The following PTPRD variants were observed in gnomAD, a reference collection of about 807,000 sequenced individuals.
PTPRD encodes protein tyrosine phosphatase receptor type D.
In PTPRD, 34 loss-of-function variants were observed where a neutral mutation model predicts 214.5. The ratio of observed to expected loss-of-function variants is 0.16; its 90% CI spans 0.12 to 0.21. The LOEUF (loss-of-function observed/expected upper bound fraction) is 0.21, where lower values mean the gene tolerates loss of function less well. Among genes scored for constraint, PTPRD ranks in the 10% least tolerant of loss-of-function variants. The pLI is 1.00. For synonymous variants in PTPRD, 1,128 were observed against 845.7 expected (o/e 1.33, Z -5.79); for missense variants, 2,545 against 2,398.7 (o/e 1.06, Z -1.27).
chr9:9,610,302 C>A (rs1333866447), intron 7 of PTPRD, among the ~76,000 whole-genome samples: 2 of 152,040 alleles, frequency 1.3e-5, no homozygotes, highest in Non-Finnish European at 2.9e-5. Flanking sequence ...AAAATATAAA[C>A]AAGATTTAGT....
intron 14 of PTPRD, among the ~76,000 whole-genome samples, chr9:8,536,252 T>C (rs1166211428): frequency 2.0e-5 from 3 of 151,904 alleles, no homozygotes; most frequent in Admixed American, 6.6e-5. Context: ...TTAATCACAG[T>C]CAACTCATGA....
intron 12 of PTPRD, among the ~76,000 whole-genome samples, chr9:8,708,561 C>G (rs1287166535): frequency 6.6e-6 from 1 of 151,730 alleles, no homozygotes; most frequent in Non-Finnish European, 1.5e-5. Flanking sequence ...CACCTGTAAT[C>G]CCAGCTACTC....
At chr9:8,330,657 C>G (rs184767499) in intron 44 of PTPRD, among the ~76,000 whole-genome samples, 4 of 152,036 alleles carry the variant, frequency 2.6e-5, no homozygotes, top group African/African-American at 9.6e-5. Flanking sequence ...TAAACCTCAG[C>G]TAAGATAACT....
At chr9:10,028,475 T>C (rs2096975122) in intron 4 of PTPRD, among the ~76,000 whole-genome samples, 1 of 152,020 alleles carries the variant, frequency 6.6e-6, no homozygotes, top group Admixed American at 6.6e-5. Flanking sequence ...TGTAGGAAAG[T>C]TTGGAACTCC....
chr9:10,088,118 G>A (rs968912999), intron 3 of PTPRD, among the ~76,000 whole-genome samples: 9 of 151,686 alleles, frequency 5.9e-5, no homozygotes, highest in Non-Finnish European at 1.2e-4. Context: ...CTAGTTTGTA[G>A]TAAGAAAAAA....
chr9:8,877,721 A>G (rs769199384), intron 11 of PTPRD, among the ~76,000 whole-genome samples: 8 of 152,222 alleles, frequency 5.3e-5, no homozygotes, highest in Non-Finnish European at 1.2e-4. Context: ...GATAACCTTC[A>G]GTGACATTTT....
At chr9:10,443,690 G>A (rs1047320520) in intron 2 of PTPRD, among the ~76,000 whole-genome samples, 9 of 151,298 alleles carry the variant, frequency 5.9e-5, no homozygotes, top group African/African-American at 2.2e-4. Flanking sequence ...TTTCCCATGA[G>A]GTCTGCTTGC....
At chr9:9,134,848 T>G (rs80200016) in intron 10 of PTPRD, among the ~76,000 whole-genome samples, 10 of 151,806 alleles carry the variant, frequency 6.6e-5, no homozygotes, top group African/African-American at 2.4e-4. Flanking sequence ...TCCCAGCCCT[T>G]AAAACACTGC....
intron 3 of PTPRD, among the ~76,000 whole-genome samples, chr9:10,153,652 T>C (rs1331298485): frequency 6.6e-6 from 1 of 152,074 alleles, no homozygotes; most frequent in Non-Finnish European, 1.5e-5. Flanking sequence ...CTATTAAGCC[T>C]AGTATTCATT....
chr9:8,437,278 A>C (rs946747746), intron 34 of PTPRD: 26 of 1,424,182 alleles, frequency 1.8e-5, no homozygotes, highest in Non-Finnish European at 2.2e-5. Context: ...ATAAAATAGA[A>C]CAAATTCTTC....
At chr9:10,045,024 T>G (rs1038620445) in intron 3 of PTPRD, among the ~76,000 whole-genome samples, 2 of 151,686 alleles carry the variant, frequency 1.3e-5, no homozygotes, top group African/African-American at 4.8e-5. Flanking sequence ...ATGGTATGCA[T>G]AGTCAATGCA....
At chr9:8,773,228 C>A (rs1393307103) in intron 11 of PTPRD, among the ~76,000 whole-genome samples, 1 of 152,136 alleles carries the variant, frequency 6.6e-6, no homozygotes, top group Admixed American at 6.5e-5. Flanking sequence ...TGAATATCAA[C>A]CAGAGAGGAA....
At chr9:8,521,632 C>A (rs2097892269) in intron 19 of PTPRD, 86 bp from the exon 20 acceptor site, 2 of 1,425,232 alleles carry the variant, frequency 1.4e-6, no homozygotes, top group Non-Finnish European at 9.5e-7. Flanking sequence ...CGTACAGACA[C>A]GATTCAACAA....
chr9:9,402,233 C>G lies in PTPRD; in HGVS notation c.-236-4751G>C, dbSNP rs145787697. ...ATATAGTACAGAAATGTCCAGTGGC[C>G]AAAACTGAAGAAAAAAGTGGAAATG... On this transcript the variant is annotated intron_variant, in intron 8 of 45. Coordinates refer to ENST00000381196, the MANE Select transcript of PTPRD (RefSeq NM_002839.4). 1.1e-4 allele frequency among the ~76,000 whole-genome samples: 16 copies of G among 151,910 alleles called. No homozygotes were observed. The East Asian group carries it at 3.1e-3, about 30-fold the overall frequency.
At chr9:8,583,379 T>A (rs528897146) in intron 14 of PTPRD, among the ~76,000 whole-genome samples, 1 of 152,320 alleles carries the variant, frequency 6.6e-6, no homozygotes, top group East Asian at 1.9e-4. Context: ...CATGTTAGCA[T>A]GTTGCCATGT....
At chr9:10,512,508 G>GT (rs2048641034) in intron 2 of PTPRD, among the ~76,000 whole-genome samples, 1 of 152,150 alleles carries the variant, frequency 6.6e-6, no homozygotes. Context: ...GCGGTGGTGG[G>GT]TTGGGGGGAA....
intron 3 of PTPRD, among the ~76,000 whole-genome samples, chr9:10,063,105 G>C (rs765956005): frequency 2.6e-5 from 4 of 152,014 alleles, no homozygotes; most frequent in Non-Finnish European, 4.4e-5. Flanking sequence ...TGCTTAATTA[G>C]CAGTAGGAAT....
At chr9:10,519,725 TTTATTA>T (rs890943081) in intron 2 of PTPRD, among the ~76,000 whole-genome samples, 1 of 151,916 alleles carries the variant, frequency 6.6e-6, no homozygotes, top group East Asian at 1.9e-4. Context: ...AATTTCCAAC[TTTATTA>T]TTATTATTAT....
intron 11 of PTPRD, among the ~76,000 whole-genome samples, chr9:8,965,575 C>G (rs1007451521): frequency 6.6e-6 from 1 of 152,000 alleles, no homozygotes; most frequent in African/African-American, 2.4e-5. Flanking sequence ...GAATCCTTTA[C>G]CATTATGTAA....
Sources: gnomAD v4.1 joint callset for allele counts (sites outside exome capture counted in the v4.1 genomes callset) on GRCh38, gnomAD v4.1.1 for gene constraint, MANE v1.5 for transcripts, NCBI Gene and HGNC (gene_info 2026-07-23, HGNC 2026-07-21) for gene names.